Variants in CBLB observed in about 807,000 individuals in gnomAD.
The protein encoded by CBLB is E3 ubiquitin-protein ligase CBL-B.
CBLB carries 31 observed loss-of-function variants against 104.9 expected under a neutral mutation model. That is an observed-to-expected ratio of 0.30 (90% confidence interval 0.22 to 0.40). The LOEUF is 0.40. Ranked by LOEUF, CBLB falls within the 10% of genes least tolerant of loss-of-function variation. CBLB has a pLI of 1.00. For synonymous variants in CBLB, 440 were observed against 422.6 expected (o/e 1.04, Z -0.51); for missense variants, 1,062 against 1,214.6 (o/e 0.87, Z 1.87).
At chr3:105,670,395 G>A (rs1219734606) in intron 17 of CBLB, 43 bp from the exon 18 acceptor site, 7 of 1,547,490 alleles carry the variant, frequency 4.5e-6, no homozygotes, top group Non-Finnish European at 5.3e-6. Flanking sequence ...GATGATCTCT[G>A]TTGATTGGCT....
chr3:105,677,518 C>A (rs2065802683), intron 17 of CBLB, among the ~76,000 whole-genome samples: 1 of 151,762 alleles, frequency 6.6e-6, no homozygotes, highest in South Asian at 2.1e-4. Flanking sequence ...CATGATTTAT[C>A]TCATGTAGAA....
intron 3 of CBLB, among the ~76,000 whole-genome samples, chr3:105,788,587 G>C (rs554820467): frequency 6.6e-6 from 1 of 152,062 alleles, no homozygotes; most frequent in Admixed American, 6.6e-5. Flanking sequence ...AGATGACCTC[G>C]GACACTGACT....
At chr3:105,714,685 T>C (rs187044797) in intron 10 of CBLB, among the ~76,000 whole-genome samples, 37 of 152,326 alleles carry the variant, frequency 2.4e-4, no homozygotes, top group Admixed American at 5.2e-4. Flanking sequence ...GCTCACCTCC[T>C]GCTGCACAGC....
intron 3 of CBLB, among the ~76,000 whole-genome samples, chr3:105,798,479 A>C (rs963830471): frequency 2.2e-4 from 34 of 152,320 alleles, no homozygotes; most frequent in Middle Eastern, 3.4e-3. Context: ...AAATGTTGGC[A>C]CGTTACATTA....
chr3:105,755,184 T>C (rs1335962547), intron 4 of CBLB, among the ~76,000 whole-genome samples: 1 of 150,088 alleles, frequency 6.7e-6, no homozygotes, highest in Non-Finnish European at 1.5e-5. Context: ...CCCCCTCCCC[T>C]GACCCCACCA....
intron 18 of CBLB, among the ~76,000 whole-genome samples, chr3:105,669,792 G>A (rs1010773532): frequency 6.6e-6 from 1 of 152,078 alleles, no homozygotes; most frequent in Non-Finnish European, 1.5e-5. Context: ...TTACAAAAAT[G>A]GTACATCCTT....
chr3:105,794,658 T>A (rs1577254369), intron 3 of CBLB, among the ~76,000 whole-genome samples: 1 of 152,282 alleles, frequency 6.6e-6, no homozygotes, highest in Admixed American at 6.5e-5. Context: ...TATCGTATTA[T>A]CCCCAATACA....
At chr3:105,745,295 G>A (rs2075997433) in intron 6 of CBLB, among the ~76,000 whole-genome samples, 1 of 152,202 alleles carries the variant, frequency 6.6e-6, no homozygotes. Context: ...TTAATAAGGT[G>A]TAATTTCTTG....
intron 18 of CBLB, among the ~76,000 whole-genome samples, chr3:105,663,711 T>C (rs1576119364): frequency 6.6e-6 from 1 of 152,110 alleles, no homozygotes; most frequent in African/African-American, 2.4e-5. Context: ...CCCAGAATGA[T>C]TACTCTAGGT....
chr3:105,817,172 A>G (rs1275570312), intron 3 of CBLB, among the ~76,000 whole-genome samples: 1 of 152,232 alleles, frequency 6.6e-6, no homozygotes, highest in Non-Finnish European at 1.5e-5. Context: ...AATCTTTTGC[A>G]AGAAAAGCAA....
At chr3:105,738,551 TCA>T (rs1445892099) in intron 7 of CBLB, among the ~76,000 whole-genome samples, 2 of 152,010 alleles carry the variant, frequency 1.3e-5, no homozygotes, top group African/African-American at 4.8e-5. Flanking sequence ...ATTTTATGTA[TCA>T]CATTTCAAAT....
At chr3:105,817,839 T>C (rs2085280501) in intron 3 of CBLB, among the ~76,000 whole-genome samples, 1 of 152,172 alleles carries the variant, frequency 6.6e-6, no homozygotes, top group Non-Finnish European at 1.5e-5. Context: ...ATCCGAGGTG[T>C]TATATAAATA....
intron 9 of CBLB, among the ~76,000 whole-genome samples, chr3:105,732,518 G>C (rs1394437346): frequency 6.6e-6 from 1 of 152,146 alleles, no homozygotes; most frequent in Non-Finnish European, 1.5e-5. Flanking sequence ...TAGGGATTTT[G>C]AACAACGTTA....
At chr3:105,820,422 A>G (rs1336815801) in intron 3 of CBLB, among the ~76,000 whole-genome samples, 3 of 152,218 alleles carry the variant, frequency 2.0e-5, no homozygotes, top group Non-Finnish European at 2.9e-5. Flanking sequence ...AGAATTTAAA[A>G]TAGTAGAAGC....
chr3:105,852,626 C>T (rs1347414352), intron 3 of CBLB, among the ~76,000 whole-genome samples: 2 of 151,990 alleles, frequency 1.3e-5, no homozygotes, highest in East Asian at 1.9e-4. Flanking sequence ...CAGTAGTGTA[C>T]AGTAACAGTC....
At chr3:105,741,394 T>C (rs552572315) in intron 6 of CBLB, among the ~76,000 whole-genome samples, 10 of 151,770 alleles carry the variant, frequency 6.6e-5, no homozygotes, top group Admixed American at 3.9e-4. Context: ...TTTGTTGTTG[T>C]TGTTGCTTGT....
intron 6 of CBLB, 127 bp downstream of exon 6, chr3:105,745,790 C>A: frequency 6.0e-6 from 5 of 834,416 alleles, no homozygotes; most frequent in South Asian, 2.8e-5. Flanking sequence ...CCATTTTGGT[C>A]TTTTACCTTT....
At chr3:105,735,531 C>T (rs2074824240) in intron 8 of CBLB, among the ~76,000 whole-genome samples, 2 of 152,042 alleles carry the variant, frequency 1.3e-5, no homozygotes, top group Admixed American at 1.3e-4. Context: ...GTTATTACTT[C>T]CAAAGATTTA....
At chr3:105,865,925 T>C (rs2092401700) in intron 2 of CBLB, among the ~76,000 whole-genome samples, 1 of 152,206 alleles carries the variant, frequency 6.6e-6, no homozygotes, top group South Asian at 2.1e-4. Context: ...GCACACTCTT[T>C]AGCAAAGACA....
Sources: gnomAD v4.1 joint callset for allele counts (sites outside exome capture counted in the v4.1 genomes callset) on GRCh38, gnomAD v4.1.1 for gene constraint, MANE v1.5 for transcripts, NCBI Gene and HGNC (gene_info 2026-07-23, HGNC 2026-07-21) for gene names.